PPP4R3B: variants seen among roughly 807,000 people sequenced by gnomAD.
PPP4R3B encodes serine/threonine-protein phosphatase 4 regulatory subunit 3B.
PPP4R3B carries 52 observed loss-of-function variants against 95.4 expected under a neutral mutation model. That is an observed-to-expected ratio of 0.54 (90% CI 0.44 to 0.69). The LOEUF (loss-of-function observed/expected upper bound fraction) is 0.69, where lower values mean the gene tolerates loss of function less well. PPP4R3B is among the 30% of genes least tolerant of loss of function. PPP4R3B has a pLI of 0.00. For missense variants in PPP4R3B, 1,003 were observed against 1,005.9 expected (o/e 1.00, Z 0.04); for synonymous variants, 407 against 343.9 (o/e 1.18, Z -2.03).
chr2:55,609,840 T>A (rs1350644652), intron 2 of PPP4R3B, among the ~76,000 whole-genome samples: 1 of 152,172 alleles, frequency 6.6e-6, no homozygotes, highest in Non-Finnish European at 1.5e-5. Context: ...GCATATTTGC[T>A]TACATATGCA....
chr2:55,593,421 G>C (rs1422502991), intron 4 of PPP4R3B, among the ~76,000 whole-genome samples: 1 of 151,922 alleles, frequency 6.6e-6, no homozygotes. Flanking sequence ...ACCTCACTTC[G>C]GCCCAGTTAC....
intron 13 of PPP4R3B, among the ~76,000 whole-genome samples, chr2:55,567,469 T>C (rs1687460324): frequency 1.3e-5 from 2 of 152,088 alleles, no homozygotes; most frequent in African/African-American, 4.8e-5. Context: ...CAGGCTGGAA[T>C]GAAGTGATGC....
rs966010821 is a variant in PPP4R3B, at chr2:55,578,417, A to G, written c.1469-75T>C. 1.6e-5 allele frequency: 19 copies of G among 1,181,148 alleles called. No homozygotes were observed. The East Asian group carries it at 4.5e-4, about 28-fold the overall frequency. The allele number at this position is 1,181,148 out of a possible 1,614,324, so 73.2% of individuals were successfully genotyped here. On this transcript the variant is annotated intron_variant, in intron 9 of 16. Coordinates refer to ENST00000616407, the MANE Select transcript of PPP4R3B (RefSeq NM_001122964.3). Reference sequence around the variant, plus strand: ...ATGAGTGTCTGTTATATTATTATCTATATATTTCTGTAAGCTGGAAGTGTT... The same window carrying G: ...ATGAGTGTCTGTTATATTATTATCTGTATATTTCTGTAAGCTGGAAGTGTT...
chr2:55,583,012 T>C (rs934302886), intron 7 of PPP4R3B, among the ~76,000 whole-genome samples: 7 of 152,134 alleles, frequency 4.6e-5, no homozygotes, highest in Non-Finnish European at 8.8e-5. Context: ...AATGTTAATA[T>C]TTCCTTTCAT....
chr2:55,607,571 G>A (rs1693594902), intron 2 of PPP4R3B, among the ~76,000 whole-genome samples: 1 of 152,168 alleles, frequency 6.6e-6, no homozygotes, highest in East Asian at 1.9e-4. Context: ...CTCAAAGGTT[G>A]CATTACCTCC....
chr2:55,597,473 T>C (rs1572686825), intron 4 of PPP4R3B, among the ~76,000 whole-genome samples: 2 of 151,976 alleles, frequency 1.3e-5, no homozygotes, highest in South Asian at 4.2e-4. Flanking sequence ...ACACAAAAAA[T>C]TAGCTGGGCG....
At chr2:55,613,683 G>T (rs531516843) in intron 2 of PPP4R3B, among the ~76,000 whole-genome samples, 82 of 151,996 alleles carry the variant, frequency 5.4e-4, no homozygotes, top group Non-Finnish European at 9.0e-4. Flanking sequence ...ACAGCTAAAA[G>T]ATCTTATATA....
chr2:55,558,433 C>A (rs537742133), intron 16 of PPP4R3B, among the ~76,000 whole-genome samples: 2 of 152,024 alleles, frequency 1.3e-5, no homozygotes, highest in Non-Finnish European at 2.9e-5. Context: ...CATGGTGAAA[C>A]CTCGTCTCTA....
intron 4 of PPP4R3B, 118 bp from the exon 5 acceptor site, chr2:55,589,074 T>TA: frequency 1.5e-6 from 1 of 647,564 alleles, no homozygotes; most frequent in Non-Finnish European, 2.6e-6. Context: ...TCATGAAACC[T>TA]AATATTCTGG....
intron 2 of PPP4R3B, among the ~76,000 whole-genome samples, chr2:55,612,625 C>A (rs886910655): frequency 3.9e-5 from 6 of 151,966 alleles, no homozygotes; most frequent in Non-Finnish European, 2.9e-5. Context: ...CATAACGAGA[C>A]CCCATCTTTA....
intron 4 of PPP4R3B, 134 bp downstream of exon 4, chr2:55,598,282 A>T: frequency 1.1e-6 from 1 of 897,856 alleles, no homozygotes; most frequent in Non-Finnish European, 1.6e-6. Context: ...TCTTTTGTTT[A>T]CTTTAAATGT....
intron 2 of PPP4R3B, chr2:55,614,754 T>C (rs1002541811): frequency 2.0e-5 from 3 of 152,186 alleles, no homozygotes; most frequent in African/African-American, 7.2e-5. Flanking sequence ...CATTGTTAAA[T>C]CTGGTGGTGT....
At chr2:55,588,444 C>T (rs1307655049) in intron 5 of PPP4R3B, among the ~76,000 whole-genome samples, 2 of 148,134 alleles carry the variant, frequency 1.4e-5, no homozygotes, top group African/African-American at 2.5e-5. Flanking sequence ...ACCTGGGAGG[C>T]AGAGGTTGTG....
chr2:55,579,226 G>T (rs1178097929), intron 9 of PPP4R3B, among the ~76,000 whole-genome samples: 3 of 151,964 alleles, frequency 2.0e-5, no homozygotes, highest in Admixed American at 2.0e-4. Context: ...TAAGGAAAAA[G>T]CCTTGCCCCT....
At chr2:55,584,703 T>C (rs956134259) in intron 7 of PPP4R3B, among the ~76,000 whole-genome samples, 2 of 152,176 alleles carry the variant, frequency 1.3e-5, no homozygotes, top group Admixed American at 6.6e-5. Flanking sequence ...TTTGAACAAA[T>C]AAAAGCAACT....
chr2:55,606,947 C>A lies in PPP4R3B; in HGVS notation c.199-2871G>T, dbSNP rs538153398. Reference sequence around the variant, plus strand: ...GCTTTGTCCCATGGTTGACAGTTTACACTAGCAGTAAATGTAAATTTAACC... The same window carrying A: ...GCTTTGTCCCATGGTTGACAGTTTAAACTAGCAGTAAATGTAAATTTAACC... On this transcript the variant is annotated intron_variant, in intron 2 of 16. Coordinates refer to ENST00000616407, the MANE Select transcript of PPP4R3B (RefSeq NM_001122964.3). Among the ~76,000 whole-genome samples the A allele has an allele frequency of 3.4e-4, 51 of 152,006 alleles. No individual in the cohort carries two copies. In the South Asian group the frequency reaches 0.01, roughly 30 times the overall value.
chr2:55,594,133 C>G (rs6745430), intron 4 of PPP4R3B, among the ~76,000 whole-genome samples: 48 of 151,864 alleles, frequency 3.2e-4, no homozygotes, highest in Admixed American at 1.6e-3. Context: ...ATAACAGACA[C>G]TGGGAACTCC....
chr2:55,586,407 T>C (rs939336709), intron 6 of PPP4R3B, among the ~76,000 whole-genome samples: 1 of 152,204 alleles, frequency 6.6e-6, no homozygotes, highest in Non-Finnish European at 1.5e-5. Context: ...CGTGGGGTTT[T>C]TTTATTCACT....
chr2:55,612,420 T>A (rs1221881090), intron 2 of PPP4R3B, among the ~76,000 whole-genome samples: 1 of 152,086 alleles, frequency 6.6e-6, no homozygotes, highest in African/African-American at 2.4e-5. Context: ...TAACTTCAAA[T>A]AACTACAAAT....
Sources: allele counts gnomAD v4.1 joint callset (sites outside exome capture counted in the v4.1 genomes callset), GRCh38; gene constraint gnomAD v4.1.1; transcripts MANE v1.5; gene names NCBI Gene and HGNC (gene_info 2026-07-23, HGNC 2026-07-21).